Variants in NRG3 observed in about 807,000 individuals in gnomAD.
NRG3 encodes the protein pro-neuregulin-3, membrane-bound isoform.
In NRG3, 31 loss-of-function variants were observed where a neutral mutation model predicts 66.9. The ratio of observed to expected loss-of-function variants is 0.46; its 90% confidence interval spans 0.35 to 0.63. The LOEUF (loss-of-function observed/expected upper bound fraction) is 0.63. NRG3 is among the 20% of genes least tolerant of loss of function. The pLI is 0.00. For synonymous variants in NRG3, 393 were observed against 359.4 expected (o/e 1.09, Z -1.06); for missense variants, 910 against 878.9 (o/e 1.04, Z -0.45).
intron 2 of NRG3, among the ~76,000 whole-genome samples, chr10:82,372,722 T>A (rs2084963742): frequency 6.6e-6 from 1 of 152,154 alleles, no homozygotes; most frequent in Non-Finnish European, 1.5e-5. Flanking sequence ...GCCTCCCACC[T>A]AGCTGAGATT....
rs1841516833 is a variant in NRG3 at position 81,875,270 on chromosome 10, C to T, written c.-71C>T. ...CCGCCGGAGCCCGCGCCCGCGCCCG[C>T]GCCCGGCCCGCGCGGCCCCATGCCT... On this transcript the variant is annotated 5_prime_UTR_variant, in exon 1 of 9. Transcript: ENST00000372141. The surrounding 1 kb of genome is among the most constrained non-coding windows in gnomAD (Gnocchi z 5.3). 1 of 963,434 alleles carries T rather than the reference C, an allele frequency of 1.0e-6. No homozygotes were observed. The highest frequency in any genetic ancestry group is 1.2e-6 in the Non-Finnish European group (1 of 812,614). The allele number at this position is 963,434 out of a possible 1,614,324, so 59.7% of individuals were successfully genotyped here.
chr10:82,667,225 C>T (rs1301120281), intron 2 of NRG3, among the ~76,000 whole-genome samples: 1 of 152,120 alleles, frequency 6.6e-6, no homozygotes, highest in Non-Finnish European at 1.5e-5. Context: ...TCATAACCAA[C>T]TCTTCTCTAG....
At chr10:82,885,702 G>C (rs1352969336) in intron 4 of NRG3, among the ~76,000 whole-genome samples, 5 of 152,072 alleles carry the variant, frequency 3.3e-5, no homozygotes, top group Non-Finnish European at 4.4e-5. Context: ...GGCCATCTTT[G>C]GGGGAAAGTT....
chr10:82,902,475 AG>A (rs1844326312), intron 4 of NRG3, among the ~76,000 whole-genome samples: 1 of 152,032 alleles, frequency 6.6e-6, no homozygotes, highest in South Asian at 2.1e-4. Context: ...TTTTTATGTC[AG>A]GGCCACGTGG....
intron 1 of NRG3, among the ~76,000 whole-genome samples, chr10:82,259,575 G>A (rs779401610): frequency 6.6e-6 from 1 of 152,110 alleles, no homozygotes; most frequent in Non-Finnish European, 1.5e-5. Flanking sequence ...GTAAAAAGTA[G>A]TATAATAAAA....
At chr10:82,875,419 G>A (rs527538356) in intron 4 of NRG3, among the ~76,000 whole-genome samples, 4 of 152,284 alleles carry the variant, frequency 2.6e-5, no homozygotes, top group African/African-American at 9.6e-5. Context: ...GTGCAGTGGT[G>A]TAATCGTGGC....
At chr10:81,898,324 C>T (rs1288175815) in intron 1 of NRG3, among the ~76,000 whole-genome samples, 1 of 152,146 alleles carries the variant, frequency 6.6e-6, no homozygotes, top group Non-Finnish European at 1.5e-5. Flanking sequence ...CACATTCTGG[C>T]CCCTAAAGAC....
intron 2 of NRG3, among the ~76,000 whole-genome samples, chr10:82,377,060 T>G (rs1260933879): frequency 2.0e-5 from 3 of 152,228 alleles, no homozygotes; most frequent in Admixed American, 1.3e-4. Flanking sequence ...AGCTTGCCCC[T>G]CCTTATTATT....
chr10:82,175,591 A>G (rs955669987), intron 1 of NRG3, among the ~76,000 whole-genome samples: 6 of 152,136 alleles, frequency 3.9e-5, no homozygotes, highest in Non-Finnish European at 8.8e-5. Flanking sequence ...GGCATCCACA[A>G]TTTGCTCTGG....
chr10:82,541,828 G>A (rs2622807), intron 2 of NRG3, among the ~76,000 whole-genome samples: 69,993 of 152,006 alleles, frequency 0.46, 18,595 homozygotes, highest in African/African-American at 0.73. Flanking sequence ...GCAGTCCACC[G>A]ATACCAGTAA....
At chr10:82,984,651 T>G (rs1047467088) in intron 8 of NRG3, 1 of 805,964 alleles carries the variant, frequency 1.2e-6, no homozygotes, top group Non-Finnish European at 2.0e-6. Flanking sequence ...CCACAACAAG[T>G]CTACTGGACT....
chr10:82,845,999 G>A (rs1475549318), intron 3 of NRG3, among the ~76,000 whole-genome samples: 1 of 152,128 alleles, frequency 6.6e-6, no homozygotes, highest in African/African-American at 2.4e-5. Context: ...TTCTGATACA[G>A]ATTGTCAACA....
At chr10:82,012,296 G>A (rs2061610228) in intron 1 of NRG3, among the ~76,000 whole-genome samples, 1 of 152,060 alleles carries the variant, frequency 6.6e-6, no homozygotes, top group Non-Finnish European at 1.5e-5. Flanking sequence ...TGGGATGCAG[G>A]ACACCAAGTC....
At chr10:82,350,958 C>T (rs1476460680) in intron 1 of NRG3, among the ~76,000 whole-genome samples, 3 of 151,434 alleles carry the variant, frequency 2.0e-5, no homozygotes, top group East Asian at 1.9e-4. Context: ...GTGGCGCGAT[C>T]TCGGCTCACT....
intron 2 of NRG3, among the ~76,000 whole-genome samples, chr10:82,707,397 C>A (rs1266049565): frequency 6.6e-6 from 1 of 151,790 alleles, no homozygotes; most frequent in Non-Finnish European, 1.5e-5. Flanking sequence ...GTCTTGCTCT[C>A]TTTCCCAGGC....
At chr10:82,456,491 C>T (rs2091273548) in intron 2 of NRG3, among the ~76,000 whole-genome samples, 1 of 152,004 alleles carries the variant, frequency 6.6e-6, no homozygotes, top group African/African-American at 2.4e-5. Context: ...AAGACAAAAA[C>T]ACACACACTA....
At chr10:82,852,497 TAAAA>T (rs898755590) in intron 3 of NRG3, among the ~76,000 whole-genome samples, 2 of 150,872 alleles carry the variant, frequency 1.3e-5, no homozygotes, top group African/African-American at 4.9e-5. Context: ...ATACAGCTAT[TAAAA>T]AAAAAGAAAG....
intron 1 of NRG3, among the ~76,000 whole-genome samples, chr10:82,222,031 TGTAA>T (rs993059222): frequency 2.6e-5 from 4 of 152,050 alleles, no homozygotes; most frequent in South Asian, 2.1e-4. Context: ...CCTTTCTTCT[TGTAA>T]GTGTTACCTT....
chr10:82,206,189 G>C (rs2075107303), intron 1 of NRG3, among the ~76,000 whole-genome samples: 1 of 152,038 alleles, frequency 6.6e-6, no homozygotes, highest in South Asian at 2.1e-4. Flanking sequence ...CAAATATTTA[G>C]TTTCTCTCTT....
Sources: allele counts gnomAD v4.1 joint callset (sites outside exome capture counted in the v4.1 genomes callset), GRCh38; gene constraint gnomAD v4.1.1; non-coding constraint Gnocchi (gnomAD v3.1); transcripts MANE v1.5; gene names NCBI Gene and HGNC (gene_info 2026-07-23, HGNC 2026-07-21).